The following SLC25A48 variants were observed in gnomAD, a reference collection of about 807,000 sequenced individuals.
SLC25A48 encodes the protein solute carrier family 25 member 48.
A neutral mutation model predicts 32.2 loss-of-function variants in SLC25A48; 29 were observed. The ratio of observed to expected loss-of-function variants is 0.90; its 90% confidence interval spans 0.67 to 1.23. SLC25A48 has a LOEUF of 1.23. Among genes scored for constraint, SLC25A48 ranks in the 50% most tolerant of loss-of-function variants. The pLI is 0.00. For missense variants in SLC25A48, 399 were observed against 422.7 expected (o/e 0.94, Z 0.49); for synonymous variants, 164 against 172.3 (o/e 0.95, Z 0.38).
chr5:135,839,222 C>A (rs558069190), intron 1 of SLC25A48, among the ~76,000 whole-genome samples: 1 of 152,296 alleles, frequency 6.6e-6, no homozygotes, highest in East Asian at 1.9e-4. Flanking sequence ...ACACTCATGC[C>A]AGCAGCTGGG....
At chr5:135,726,110 G>T (rs1417927581) in intron 3 of SLC25A48, among the ~76,000 whole-genome samples, 1 of 152,230 alleles carries the variant, frequency 6.6e-6, no homozygotes, top group African/African-American at 2.4e-5. Context: ...TATAGCCAGA[G>T]TCTGGCCCTA....
At chr5:135,857,690 A>G in intron 4 of SLC25A48, among the ~76,000 whole-genome samples, 1 of 152,198 alleles carries the variant, frequency 6.6e-6, no homozygotes, top group East Asian at 1.9e-4. Flanking sequence ...GTGGTAGGGA[A>G]ATACAATGGG....
At chr5:135,722,166 C>A (rs1754971402) in intron 3 of SLC25A48, among the ~76,000 whole-genome samples, 1 of 152,256 alleles carries the variant, frequency 6.6e-6, no homozygotes, top group African/African-American at 2.4e-5. Context: ...TATGTAGAAA[C>A]ATGCTAACTG....
chr5:135,715,786 CTATAAT>C (rs1426057028), intron 3 of SLC25A48, among the ~76,000 whole-genome samples: 3 of 152,198 alleles, frequency 2.0e-5, no homozygotes, highest in Non-Finnish European at 4.4e-5. Flanking sequence ...CCACTTGTGC[CTATAAT>C]TAGGCAGCAG....
intron 3 of SLC25A48, among the ~76,000 whole-genome samples, chr5:135,636,028 T>G (rs536443826): frequency 6.6e-6 from 1 of 152,334 alleles, no homozygotes; most frequent in East Asian, 1.9e-4. Context: ...CTGGTTCCTA[T>G]TTCTACAGAT....
chr5:135,788,171 G>A (rs11242284), intron 3 of SLC25A48, among the ~76,000 whole-genome samples: 56,710 of 150,496 alleles, frequency 0.38, 12,260 homozygotes, highest in Non-Finnish European at 0.49. Context: ...GGGGTGGGGG[G>A]AAGGGTGTTA....
At chr5:135,626,114 A>G (rs1460267857) in intron 1 of SLC25A48, among the ~76,000 whole-genome samples, 1 of 152,246 alleles carries the variant, frequency 6.6e-6, no homozygotes, top group Non-Finnish European at 1.5e-5. Flanking sequence ...CCAACTCAGC[A>G]TGGCGAGGCT....
chr5:135,861,208 A>G (rs1408506851), intron 4 of SLC25A48, among the ~76,000 whole-genome samples: 1 of 152,206 alleles, frequency 6.6e-6, no homozygotes, highest in African/African-American at 2.4e-5. Context: ...TTAACTCAGC[A>G]TTATAATAGA....
At chr5:135,742,762 A>T (rs1305520018) in intron 3 of SLC25A48, among the ~76,000 whole-genome samples, 1 of 152,144 alleles carries the variant, frequency 6.6e-6, no homozygotes, top group African/African-American at 2.4e-5. Context: ...TAAGGCTATT[A>T]TCACACTTGA....
chr5:135,584,253 A>G (rs1751308253), intron 1 of SLC25A48, among the ~76,000 whole-genome samples: 1 of 152,274 alleles, frequency 6.6e-6, no homozygotes, highest in Admixed American at 6.5e-5. Flanking sequence ...ACTCCCTTAC[A>G]GGCAAGCATC....
intron 3 of SLC25A48, among the ~76,000 whole-genome samples, chr5:135,644,389 A>G (rs978528930): frequency 6.6e-6 from 1 of 152,136 alleles, no homozygotes; most frequent in Non-Finnish European, 1.5e-5. Flanking sequence ...GGTTTGGGGC[A>G]GTAATGTTTC....
At chr5:135,748,663 A>G (rs1316596405) in intron 3 of SLC25A48, among the ~76,000 whole-genome samples, 1 of 151,790 alleles carries the variant, frequency 6.6e-6, no homozygotes, top group African/African-American at 2.4e-5. Context: ...CTCCACTGGA[A>G]CTCTTCTGAC....
In SLC25A48 at chr5:135,628,509, A is replaced by G. The variant is rs561922279; in HGVS notation, c.-848-728A>G. 4.6e-5 allele frequency among the ~76,000 whole-genome samples: 7 copies of G among 152,274 alleles called. No individual in the cohort carries two copies. The East Asian group carries it at 1.4e-3, about 29-fold the overall frequency. On this transcript the variant is annotated intron_variant, in intron 1 of 10. Transcript: ENST00000646290. ...GAGAGAAGAACAGAAGACGGGTGAC[A>G]TCAAGTTTGGGTTCCAGAGGTCTTC...
At chr5:135,609,781 T>C (rs1752022657) in intron 1 of SLC25A48, 1 of 152,216 alleles carries the variant, frequency 6.6e-6, no homozygotes, top group Non-Finnish European at 1.5e-5. Flanking sequence ...TTATCATCTA[T>C]ATAAAAAGAG....
chr5:135,828,814 GC>G (rs1758132488), intron 4 of SLC25A48, among the ~76,000 whole-genome samples: 1 of 152,216 alleles, frequency 6.6e-6, no homozygotes, highest in African/African-American at 2.4e-5. Flanking sequence ...CAAACTCCAA[GC>G]CTTCCAGCTG....
intron 4 of SLC25A48, among the ~76,000 whole-genome samples, chr5:135,823,233 T>C (rs926708497): frequency 3.9e-5 from 6 of 152,138 alleles, no homozygotes; most frequent in African/African-American, 1.4e-4. Flanking sequence ...AGTCCACAAG[T>C]GGAACAGCCT....
intron 1 of SLC25A48, among the ~76,000 whole-genome samples, chr5:135,613,161 C>A (rs1752111096): frequency 6.6e-6 from 1 of 152,102 alleles, no homozygotes; most frequent in Non-Finnish European, 1.5e-5. Context: ...ACTTGCATTT[C>A]CCTGGTGATT....
intron 3 of SLC25A48, among the ~76,000 whole-genome samples, chr5:135,662,122 T>G (rs899238495): frequency 7.9e-5 from 12 of 152,228 alleles, no homozygotes; most frequent in African/African-American, 2.9e-4. Context: ...TGTTTGATTT[T>G]TGTCAGACTG....
intron 3 of SLC25A48, among the ~76,000 whole-genome samples, chr5:135,790,222 A>G (rs1197514900): frequency 6.6e-6 from 1 of 151,942 alleles, no homozygotes; most frequent in Non-Finnish European, 1.5e-5. Flanking sequence ...CTAATGTCAC[A>G]GTGTGTTTAC....
Sources: allele counts gnomAD v4.1 joint callset (sites outside exome capture counted in the v4.1 genomes callset), GRCh38; gene constraint gnomAD v4.1.1; transcripts MANE v1.5; gene names NCBI Gene and HGNC (gene_info 2026-07-23, HGNC 2026-07-21).